Variants in NR1H4 observed in about 807,000 individuals in gnomAD.
The protein encoded by NR1H4 is nuclear receptor subfamily 1 group H member 4.
NR1H4 carries 23 observed loss-of-function variants against 58.5 expected under a neutral mutation model. The ratio of observed to expected loss-of-function variants is 0.39; its 90% CI spans 0.28 to 0.56. The LOEUF (loss-of-function observed/expected upper bound fraction) is 0.56, where lower values mean the gene tolerates loss of function less well. Among genes scored for constraint, NR1H4 ranks in the 20% least tolerant of loss-of-function variants. NR1H4 has a pLI of 0.58. For missense variants in NR1H4, 487 were observed against 576.9 expected, an observed-to-expected ratio of 0.84 and a Z score of 1.60; for synonymous variants, 214 against 198.0, an observed-to-expected ratio of 1.08 and a Z score of -0.68.
At chr12:100,522,701 A>G (rs1470729857) in intron 4 of NR1H4, among the ~76,000 whole-genome samples, 5 of 151,958 alleles carry the variant, frequency 3.3e-5, no homozygotes, top group African/African-American at 1.2e-4. Flanking sequence ...TTTATCCCAC[A>G]CTTTTCTCCC....
chr12:100,511,043 C>T lies in NR1H4; in HGVS notation c.345C>T (p.Gly115=), dbSNP rs372358310. The part of the protein sequence containing the change: ...EMPVTKKPRM[G]ASAGRIKGDE... ...CTGTAACAAAGAAGCCCCGCATGGG[C>T]GCGTCAGCAGGGAGGATCAAAGGGG... Residue 115 remains glycine (G), a synonymous_variant, in exon 4 of 11, where the codon GGC becomes GGT. Transcript: ENST00000392986. The T allele has an allele frequency of 2.4e-5, 38 of 1,614,130 alleles. No homozygotes were observed. The highest frequency in any genetic ancestry group is 3.3e-4 in the Middle Eastern group (2 of 6,084).
chr12:100,508,450 T>C (rs1460243593), intron 3 of NR1H4, among the ~76,000 whole-genome samples: 1 of 151,996 alleles, frequency 6.6e-6, no homozygotes, highest in Non-Finnish European at 1.5e-5. Context: ...GCTTTGAAGA[T>C]CATGTTTTTA....
In NR1H4 at chr12:100,482,670, C is replaced by T. The variant is rs115192719; in HGVS notation, c.-190+8611C>T. 6.7e-3 allele frequency among the ~76,000 whole-genome samples: 1,022 copies of T among 152,224 alleles called. 9 individuals carry two copies. Among genetic ancestry groups the T allele is most frequent in the African/African-American group, 0.023 (975 of 41,522 alleles). On this transcript the variant is annotated intron_variant, in intron 1 of 10. Coordinates refer to ENST00000392986, the MANE Select transcript of NR1H4 (RefSeq NM_001206979.2). ...AAGAAGAAGTACCCAGGGCTATGAA[C>T]GTCTCCTGGAGTTTGTGCTAATCAA...
At chr12:100,558,365 A>C (rs1955383666) in intron 9 of NR1H4, among the ~76,000 whole-genome samples, 1 of 150,810 alleles carries the variant, frequency 6.6e-6, no homozygotes, top group South Asian at 2.1e-4. Flanking sequence ...AAAAAAAAAA[A>C]AAAAAAAAAA....
At chr12:100,554,720 G>A (rs1955285167) in intron 9 of NR1H4, among the ~76,000 whole-genome samples, 1 of 152,102 alleles carries the variant, frequency 6.6e-6, no homozygotes, top group South Asian at 2.1e-4. Context: ...CAAAAATCAG[G>A]TAATTGGTCA....
intron 9 of NR1H4, among the ~76,000 whole-genome samples, chr12:100,554,846 T>A (rs1955287733): frequency 6.6e-6 from 1 of 152,206 alleles, no homozygotes; most frequent in African/African-American, 2.4e-5. Context: ...GTGTTAGAAA[T>A]TGCTGGTTCA....
At chr12:100,559,321 C>G (rs1207986214) in intron 9 of NR1H4, among the ~76,000 whole-genome samples, 1 of 152,196 alleles carries the variant, frequency 6.6e-6, no homozygotes, top group East Asian at 1.9e-4. Context: ...ACTGTGGGAG[C>G]CCCTTTCAGG....
At chr12:100,526,086 C>T (rs1954548916) in intron 4 of NR1H4, among the ~76,000 whole-genome samples, 1 of 151,400 alleles carries the variant, frequency 6.6e-6, no homozygotes, top group African/African-American at 2.4e-5. Flanking sequence ...TTTATTGACT[C>T]TATTAATTTT....
intron 3 of NR1H4, among the ~76,000 whole-genome samples, chr12:100,507,610 GCAC>G (rs946652258): frequency 1.3e-5 from 2 of 151,970 alleles, no homozygotes; most frequent in Non-Finnish European, 2.9e-5. Context: ...CTACAGGTGT[GCAC>G]CACCAAGCCC....
chr12:100,507,473 G>GT (rs1017532061), intron 3 of NR1H4, among the ~76,000 whole-genome samples: 3 of 147,084 alleles, frequency 2.0e-5, no homozygotes, highest in East Asian at 2.4e-4. Context: ...TTTTGTTTTT[G>GT]TTTTTTTTGA....
intron 1 of NR1H4, among the ~76,000 whole-genome samples, chr12:100,484,824 T>G (rs1299495702): frequency 2.6e-5 from 4 of 152,196 alleles, no homozygotes; most frequent in Non-Finnish European, 5.9e-5. Context: ...AGTTCCCCAT[T>G]GACCACAGTT....
At chr12:100,530,727 G>A (rs1566460396) in intron 4 of NR1H4, among the ~76,000 whole-genome samples, 3 of 152,122 alleles carry the variant, frequency 2.0e-5, no homozygotes, top group East Asian at 3.9e-4. Flanking sequence ...TCTGTCCCTC[G>A]GGCCACCACT....
At chr12:100,483,985 GAAA>G (rs61582838) in intron 1 of NR1H4, among the ~76,000 whole-genome samples, 5 of 70,238 alleles carry the variant, frequency 7.1e-5, no homozygotes, top group Admixed American at 1.8e-4. Context: ...CTCTGTCTCA[GAAA>G]AAAAAAAAAA....
intron 9 of NR1H4, among the ~76,000 whole-genome samples, chr12:100,556,467 C>CAAAAAAAAAA (rs781520049): frequency 1.3e-4 from 11 of 87,410 alleles, no homozygotes; most frequent in Non-Finnish European, 2.9e-4. Flanking sequence ...AACTCCGTCT[C>CAAAAAAAAAA]AAAGAAAAAA....
chr12:100,562,093 A>G, intron 10 of NR1H4, 95 bp downstream of exon 10: 1 of 693,666 alleles, frequency 1.4e-6, no homozygotes. Context: ...ATAGAAATAT[A>G]AAGAAAAAGT....
chr12:100,502,724 T>C (rs1953863065), intron 3 of NR1H4, among the ~76,000 whole-genome samples: 1 of 152,216 alleles, frequency 6.6e-6, no homozygotes, highest in Non-Finnish European at 1.5e-5. Flanking sequence ...ATAAATTGCA[T>C]GAGATATTCA....
rs144894603 is a variant in NR1H4, at chr12:100,485,595, C to T, written c.-189-6908C>T. Among the ~76,000 whole-genome samples the T allele has an allele frequency of 6.2e-3, 939 of 151,920 alleles. 5 individuals carry two copies. Among genetic ancestry groups the T allele is most frequent in the Non-Finnish European group, 0.01 (683 of 67,944 alleles). On this transcript the variant is annotated intron_variant, in intron 1 of 10. Coordinates refer to ENST00000392986, the MANE Select transcript of NR1H4 (RefSeq NM_001206979.2). ...TTGCACAGGCTGGAGTACAGTGGTGCGATCTCGGCTCACTGCAACCTCCAC... is the reference window on the plus strand; with the variant it reads ...TTGCACAGGCTGGAGTACAGTGGTGTGATCTCGGCTCACTGCAACCTCCAC...
intron 3 of NR1H4, among the ~76,000 whole-genome samples, chr12:100,498,205 A>T (rs1412500211): frequency 6.6e-6 from 1 of 152,242 alleles, no homozygotes; most frequent in Non-Finnish European, 1.5e-5. Flanking sequence ...GTTACAATTA[A>T]TCCAGAGTTT....
At chr12:100,504,448 T>C (rs10860601) in intron 3 of NR1H4, among the ~76,000 whole-genome samples, 11,011 of 152,188 alleles carry the variant, frequency 0.072, 1,001 homozygotes, top group East Asian at 0.31. Flanking sequence ...AAATTTTCTA[T>C]TTACTTCAAT....
Sources: gnomAD v4.1 joint callset for allele counts (sites outside exome capture counted in the v4.1 genomes callset) on GRCh38, gnomAD v4.1.1 for gene constraint, MANE v1.5 for transcripts, NCBI Gene and HGNC (gene_info 2026-07-23, HGNC 2026-07-21) for gene names.